ZBTB14: variants seen among roughly 807,000 people sequenced by gnomAD.
ZBTB14 encodes the protein zinc finger and BTB domain containing 14.
In ZBTB14, 8 loss-of-function variants were observed where a neutral mutation model predicts 29.5. That is an observed-to-expected ratio of 0.27 (90% CI 0.16 to 0.49). The LOEUF (loss-of-function observed/expected upper bound fraction) is 0.49. Ranked by LOEUF, ZBTB14 falls within the 20% of genes least tolerant of loss-of-function variation. The pLI is 0.99. For synonymous variants in ZBTB14, 226 were observed against 207.2 expected (o/e 1.09, Z -0.78); for missense variants, 333 against 563.8 (o/e 0.59, Z 4.15).
At chr18:5,296,900 T>TA (rs1194687893), upstream of ZBTB14, 1 of 152,022 alleles carries the variant, frequency 6.6e-6, no homozygotes, top group African/African-American at 2.4e-5. Context: ...TCAGCGCCAG[T>TA]AATGGCTCCG....
rs1030423709 is a variant in ZBTB14 at position 5,295,710 on chromosome 18, G to T, written c.-170C>A. The T allele has an allele frequency of 1.3e-5, 2 of 150,936 alleles. No individual in the cohort carries two copies. The highest frequency in any genetic ancestry group is 2.0e-4 in the South Asian group (1 of 4,992). 9.3% of individuals were successfully genotyped at this position (150,936 alleles called of 1,614,324 possible). A position where few individuals can be genotyped will look rare whatever the true frequency, so the allele number is the denominator to read the frequency against. On this transcript the variant is annotated 5_prime_UTR_variant, in exon 1 of 4. Coordinates refer to ENST00000651870, the MANE Select transcript of ZBTB14 (RefSeq NM_001243702.2). ...GGAGCTGGCTGGTGCCCCAGAGCTCGGCGAGAACGCGCGTCTTCCGGGCCG... is the reference window on the plus strand; with the variant it reads ...GGAGCTGGCTGGTGCCCCAGAGCTCTGCGAGAACGCGCGTCTTCCGGGCCG...
chr18:5,296,442 C>T (rs1223795242), upstream of ZBTB14, among the ~76,000 whole-genome samples: 2 of 150,444 alleles, frequency 1.3e-5, no homozygotes, highest in Admixed American at 6.6e-5. Flanking sequence ...CCAGCGCTCC[C>T]GTGCGTGTGC....
chr18:5,293,128 T>TAA (rs2071856023), intron 3 of ZBTB14, 116 bp downstream of exon 3: 1 of 1,135,500 alleles, frequency 8.8e-7, no homozygotes, highest in Non-Finnish European at 1.2e-6. Flanking sequence ...TTTATTCGGC[T>TAA]AATATTTTCC....
intron 1 of ZBTB14, among the ~76,000 whole-genome samples, chr18:5,294,612 C>G (rs1249315168): frequency 6.6e-6 from 1 of 151,994 alleles, no homozygotes; most frequent in Non-Finnish European, 1.5e-5. Context: ...TCCAATTGCT[C>G]AGTTCAGGTG....
At position 5,290,034 on chromosome 18, in the gene ZBTB14, C is replaced by T. The variant is rs2071775953; in HGVS notation, c.*824G>A. 6.6e-6 allele frequency: 1 copy of T among 152,138 alleles called. No individual in the cohort carries two copies. The highest frequency in any genetic ancestry group is 1.5e-5 in the Non-Finnish European group (1 of 68,030). 9.4% of individuals were successfully genotyped at this position (152,138 alleles called of 1,614,324 possible). On this transcript the variant is annotated 3_prime_UTR_variant, in exon 4 of 4. Transcript: ENST00000651870. Reference sequence around the variant, plus strand: ...AATCTAGGAAATCTTGGGATTGTTACACATGTAAAAAACCTTATCTCTGAG... The same window carrying T: ...AATCTAGGAAATCTTGGGATTGTTATACATGTAAAAAACCTTATCTCTGAG...
intron 1 of ZBTB14, among the ~76,000 whole-genome samples, chr18:5,295,342 G>T (rs1415335713): frequency 6.9e-6 from 1 of 144,570 alleles, no homozygotes; most frequent in Non-Finnish European, 1.5e-5. Context: ...GCACCCGGGA[G>T]TGCGTGCGCT....
In ZBTB14 at chr18:5,293,302, T is replaced by TC. The variant is rs760580073; in HGVS notation, c.-57_-56insG. On this transcript the variant is annotated 5_prime_UTR_variant, in exon 3 of 4. An upstream open reading frame in the 5' UTR gains an earlier in-frame stop. Transcript: ENST00000651870. The stretch of plus-strand genomic sequence containing the variant: ...GAACGCCAAAATCTTCAGATCAGAG[T>TC]AACTCTGATCAGGAGCACGCCAGAC... The TC allele has an allele frequency of 1.2e-4, 189 of 1,605,776 alleles. 1 individual carries two copies. Among genetic ancestry groups the TC allele is most frequent in the Non-Finnish European group, 1.6e-4 (185 of 1,174,494 alleles).
chr18:5,295,114 G>A (rs1296369778), intron 1 of ZBTB14, among the ~76,000 whole-genome samples: 4 of 149,808 alleles, frequency 2.7e-5, no homozygotes, highest in East Asian at 2.0e-4. Flanking sequence ...GAGCGCGCAG[G>A]GAGGGACTGC....
At chr18:5,295,322 C>G (rs2071927517) in intron 1 of ZBTB14, among the ~76,000 whole-genome samples, 2 of 144,560 alleles carry the variant, frequency 1.4e-5, no homozygotes, top group Non-Finnish European at 3.1e-5. Context: ...CTAACCCAAG[C>G]TCCGCGGGCG....
Position 5,291,401 on chromosome 18 carries a change from A to T in ZBTB14, c.807T>A (p.Leu269=). Residue 269 remains leucine, a synonymous_variant, in exon 4 of 4, where the codon CTT becomes CTA. Coordinates refer to ENST00000651870, the MANE Select transcript of ZBTB14 (RefSeq NM_001243702.2). This position sits in a 1 kb window ranked among gnomAD's most constrained non-coding sequence, Gnocchi z 5.8. ...CAATCTGCTCCCGATGGTGACCATAAAGCAAATACTCAAACTTCATGTCAC... is the reference window on the plus strand; with the variant it reads ...CAATCTGCTCCCGATGGTGACCATATAGCAAATACTCAAACTTCATGTCAC... ...AASDMKFEYL[L]YGHHREQIAC... is the part of the protein sequence containing the mutation. The T allele has an allele frequency of 6.2e-7, 1 of 1,614,188 alleles. No individual in the cohort carries two copies. Among genetic ancestry groups the T allele is most frequent in the Middle Eastern group, 1.6e-4 (1 of 6,062 alleles).
upstream of ZBTB14, among the ~76,000 whole-genome samples, chr18:5,296,590 C>T (rs978378554): frequency 6.6e-6 from 1 of 152,026 alleles, no homozygotes; most frequent in African/African-American, 2.4e-5. Flanking sequence ...GGCGCGCCCA[C>T]GGGTCTGCGG....
In ZBTB14 at chr18:5,290,892, G is replaced by C; in HGVS notation, c.1316C>G (p.Ala439Gly). Residue 439 changes from alanine (A) to glycine (G), a missense_variant, in exon 4 of 4, where the codon GCA becomes GGA. By Grantham distance (60) the Ala-to-Gly change is moderately conservative. Coordinates refer to ENST00000651870, the MANE Select transcript of ZBTB14 (RefSeq NM_001243702.2). ...GGCTATCGTCTCCAGCTGCTGTTCTGCTTCCGCAGCCATCGCTGCCGCCTG... is the reference window on the plus strand; with the variant it reads ...GGCTATCGTCTCCAGCTGCTGTTCTCCTTCCGCAGCCATCGCTGCCGCCTG... ...QLQAAAMAAE[A>G]EQQLETIACS The C allele has an allele frequency of 1.2e-6, 2 of 1,614,234 alleles. No individual in the cohort carries two copies. The highest frequency in any genetic ancestry group is 1.7e-6 in the Non-Finnish European group (2 of 1,180,034).
upstream of ZBTB14, among the ~76,000 whole-genome samples, chr18:5,296,412 C>T (rs1289398124): frequency 6.7e-6 from 1 of 149,010 alleles, no homozygotes; most frequent in African/African-American, 2.5e-5. Context: ...GGCGCCGGCG[C>T]AGCGCCGGGG....
Position 5,290,175 on chromosome 18 carries a change from G to A in ZBTB14, c.*683C>T, listed in dbSNP as rs12343. 60,420 of 151,964 alleles carry A rather than the reference G, an allele frequency of 0.4. 12,466 individuals are homozygous for A. The highest frequency in any genetic ancestry group is 0.46 in the Middle Eastern group (134 of 294). The allele number at this position is 151,964 out of a possible 1,614,324, so 9.4% of individuals were successfully genotyped here. ...TGGCTCCAAGACCCCCCACCATCCC[G>A]GTGGGTTTGCTTGGCCTTTAGGATG... is the stretch of plus-strand genomic sequence containing the variant. On this transcript the variant is annotated 3_prime_UTR_variant, in exon 4 of 4. Coordinates refer to ENST00000651870, the MANE Select transcript of ZBTB14 (RefSeq NM_001243702.2).
chr18:5,296,745 T>A (rs1002336832), upstream of ZBTB14, among the ~76,000 whole-genome samples: 17 of 151,820 alleles, frequency 1.1e-4, no homozygotes, highest in South Asian at 2.1e-4. Context: ...GGATCACCCA[T>A]AGGGCTTCGG....
At position 5,289,461 on chromosome 18, in the gene ZBTB14, T is replaced by C. The variant is rs1225947597; in HGVS notation, c.*1397A>G. 2 of 152,250 alleles carry C rather than the reference T, an allele frequency of 1.3e-5. No individual in the cohort carries two copies. Among genetic ancestry groups the C allele is most frequent in the Non-Finnish European group, 2.9e-5 (2 of 68,040 alleles). 9.4% of individuals were successfully genotyped at this position (152,250 alleles called of 1,614,324 possible). A position where few individuals can be genotyped will look rare whatever the true frequency, so the allele number is the denominator to read the frequency against. On this transcript the variant is annotated 3_prime_UTR_variant, in exon 4 of 4. Transcript: ENST00000651870. ...GAAAAATTGACATTTTCTACAATTC[T>C]ACATTTTGAAAAATAATTGACTAAT...
At chr18:5,294,646 T>C (rs1388951463) in intron 1 of ZBTB14, among the ~76,000 whole-genome samples, 1 of 152,114 alleles carries the variant, frequency 6.6e-6, no homozygotes, top group South Asian at 2.1e-4. Flanking sequence ...AGACAGCTGT[T>C]GCCAGCATCT....
At chr18:5,293,500 T>C (rs138452884) in intron 2 of ZBTB14, 173 bp from the exon 3 acceptor site, 219 of 491,802 alleles carry the variant, frequency 4.5e-4, no homozygotes, top group African/African-American at 3.7e-3. Context: ...TGAACAGATA[T>C]GGACTAGAAC....
intron 3 of ZBTB14, among the ~76,000 whole-genome samples, chr18:5,292,447 T>A (rs957907970): frequency 6.6e-6 from 1 of 152,234 alleles, no homozygotes; most frequent in Non-Finnish European, 1.5e-5. Flanking sequence ...TTGTTCTATG[T>A]GCTTTACATG....
Sources: allele counts gnomAD v4.1 joint callset (sites outside exome capture counted in the v4.1 genomes callset), GRCh38; gene constraint gnomAD v4.1.1; non-coding constraint Gnocchi (gnomAD v3.1); transcripts MANE v1.5; gene names NCBI Gene and HGNC (gene_info 2026-07-23, HGNC 2026-07-21).